The following PPFIA2 variants were observed in gnomAD, a reference collection of about 807,000 sequenced individuals.
PPFIA2 encodes the protein liprin-alpha-2.
PPFIA2 carries 46 observed loss-of-function variants against 175.5 expected under a neutral mutation model. The observed-to-expected ratio is 0.26, with a 90% CI of 0.21 to 0.34. The LOEUF (loss-of-function observed/expected upper bound fraction) is 0.34, where lower values mean the gene tolerates loss of function less well. PPFIA2 is among the 10% of genes least tolerant of loss of function. PPFIA2 has a pLI of 1.00. For synonymous variants in PPFIA2, 568 were observed against 511.4 expected (o/e 1.11, Z -1.49); for missense variants, 1,179 against 1,506.1 (o/e 0.78, Z 3.60).
At chr12:81,366,769 T>C (rs963959522) in intron 14 of PPFIA2, among the ~76,000 whole-genome samples, 5 of 151,820 alleles carry the variant, frequency 3.3e-5, no homozygotes, top group Non-Finnish European at 5.9e-5. Context: ...TTAGCGCATA[T>C]ATTTTAATTC....
intron 4 of PPFIA2, among the ~76,000 whole-genome samples, chr12:81,489,717 G>A (rs968456840): frequency 4.6e-5 from 7 of 151,860 alleles, no homozygotes; most frequent in African/African-American, 1.7e-4. Flanking sequence ...GCACCCTATA[G>A]TGTACAAGCT....
intron 6 of PPFIA2, among the ~76,000 whole-genome samples, chr12:81,443,923 G>C (rs1226641619): frequency 8.0e-6 from 1 of 125,744 alleles, no homozygotes; most frequent in Non-Finnish European, 1.6e-5. Flanking sequence ...GGCGCGATCT[G>C]GGCTCACTGC....
intron 4 of PPFIA2, among the ~76,000 whole-genome samples, chr12:81,626,443 T>C (rs1402587870): frequency 6.6e-6 from 1 of 152,044 alleles, no homozygotes; most frequent in Non-Finnish European, 1.5e-5. Flanking sequence ...ATTAAAACCT[T>C]ATTAAATTTA....
intron 4 of PPFIA2, among the ~76,000 whole-genome samples, chr12:81,462,570 G>GTATATATATATATACATATATA (rs1555402454): frequency 5.9e-4 from 44 of 74,168 alleles, no homozygotes; most frequent in Admixed American, 3.5e-3. Flanking sequence ...ATATATATGT[G>GTATATATATATATACATATATA]TATATATATA....
At chr12:81,733,964 G>A (rs1306934886) in intron 3 of PPFIA2, among the ~76,000 whole-genome samples, 3 of 151,684 alleles carry the variant, frequency 2.0e-5, no homozygotes, top group Non-Finnish European at 4.4e-5. Context: ...TAGATAACGT[G>A]CCTGCTACAC....
At chr12:81,611,777 C>T (rs1291059725) in intron 4 of PPFIA2, among the ~76,000 whole-genome samples, 1 of 152,250 alleles carries the variant, frequency 6.6e-6, no homozygotes, top group East Asian at 1.9e-4. Flanking sequence ...GCTGCCAGCA[C>T]ACAAAAACTC....
intron 3 of PPFIA2, among the ~76,000 whole-genome samples, chr12:81,721,980 C>T (rs557837303): frequency 1.3e-5 from 2 of 150,848 alleles, no homozygotes; most frequent in Non-Finnish European, 3.0e-5. Flanking sequence ...ATGTGCTGTA[C>T]AATCATAATA....
At chr12:81,648,495 A>T (rs1194377868) in intron 4 of PPFIA2, among the ~76,000 whole-genome samples, 1 of 152,042 alleles carries the variant, frequency 6.6e-6, no homozygotes, top group Non-Finnish European at 1.5e-5. Context: ...ATTTTAAAAG[A>T]CCTAAATAAA....
At chr12:81,436,348 G>C (rs11114860) in intron 7 of PPFIA2, among the ~76,000 whole-genome samples, 4 of 95,586 alleles carry the variant, frequency 4.2e-5, no homozygotes, top group Admixed American at 1.5e-4. Flanking sequence ...TGATGCATCA[G>C]ATAAACGTTT....
At chr12:81,656,225 G>A (rs143050367) in intron 4 of PPFIA2, among the ~76,000 whole-genome samples, 12 of 151,870 alleles carry the variant, frequency 7.9e-5, no homozygotes, top group Admixed American at 2.6e-4. Flanking sequence ...GAATTTTTTT[G>A]TAAATACATG....
chr12:81,758,519 A>T lies in PPFIA2; in HGVS notation c.-110-12T>A. The stretch of plus-strand genomic sequence containing the variant: ...CCTGGACCATTTCCCTAGCAACGGG[A>T]GGAGAAAGGCAGCTCAGACACACGC... On this transcript the variant is annotated splice_polypyrimidine_tract_variant and intron_variant, in intron 1 of 32. Coordinates refer to ENST00000549396, the MANE Select transcript of PPFIA2 (RefSeq NM_003625.5). 3 of 445,568 alleles carry T rather than the reference A, an allele frequency of 6.7e-6. No homozygotes were observed. Among genetic ancestry groups the T allele is most frequent in the Non-Finnish European group, 4.5e-6 (1 of 219,798 alleles). 27.6% of individuals were successfully genotyped at this position (445,568 alleles called of 1,614,324 possible).
chr12:81,358,131 A>C lies in PPFIA2; in HGVS notation c.1724T>G (p.Ile575Arg). The stretch of plus-strand genomic sequence containing the variant: ...CATGCGGCCTCTCCTTGGTCTTCTT[A>C]TTACTTTAGTTGTTCTGTAATCAGA... ...SQSDYRTTKVIRRPRRGRMGV... is the reference protein window; with the variant it reads ...SQSDYRTTKVRRRPRRGRMGV... Residue 575 changes from isoleucine to arginine, a missense_variant, in exon 16 of 33, where the codon ATA becomes AGA. Around this residue, in one of 10 missense-constraint regions of PPFIA2, gnomAD observed 186 missense variants for 163.6 expected, o/e 1.14. Transcript: ENST00000549396. 1 of 1,602,928 alleles carries C rather than the reference A, an allele frequency of 6.2e-7. No homozygotes were observed. The highest frequency in any genetic ancestry group is 8.5e-7 in the Non-Finnish European group (1 of 1,174,318).
At position 81,325,781 on chromosome 12, in the gene PPFIA2, T is replaced by G. The variant is rs1198424509; in HGVS notation, c.2638A>C (p.Lys880Gln). 1 of 1,610,730 alleles carries G rather than the reference T, an allele frequency of 6.2e-7. No homozygotes were observed. The highest frequency in any genetic ancestry group is 1.3e-5 in the African/African-American group (1 of 74,824). Residue 880 changes from lysine to glutamine, a missense_variant, in exon 22 of 33, where the codon AAA becomes CAA. Coordinates refer to ENST00000549396, the MANE Select transcript of PPFIA2 (RefSeq NM_003625.5). Reference protein sequence around the residue: ...TQAEKDRRLKKKHELLEEARR... With the variant: ...TQAEKDRRLKQKHELLEEARR... ...GGGAAAAATCCCCAAACCTACTTTT[T>G]CTTTAGTCTTCGATCCTTCTCAGCT... is the stretch of plus-strand genomic sequence containing the variant.
At chr12:81,666,158 T>C (rs1489816318) in intron 4 of PPFIA2, among the ~76,000 whole-genome samples, 1 of 152,180 alleles carries the variant, frequency 6.6e-6, no homozygotes, top group Non-Finnish European at 1.5e-5. Flanking sequence ...TCTACACTGT[T>C]GGTGGGACTG....
chr12:81,531,320 T>C (rs2064525086), intron 4 of PPFIA2, among the ~76,000 whole-genome samples: 2 of 151,664 alleles, frequency 1.3e-5, no homozygotes, highest in South Asian at 4.1e-4. Flanking sequence ...TTCAGAAAAC[T>C]AAAGAATGGT....
chr12:81,685,860 T>G (rs1311373351), intron 3 of PPFIA2, among the ~76,000 whole-genome samples: 4 of 152,074 alleles, frequency 2.6e-5, no homozygotes, highest in Non-Finnish European at 5.9e-5. Context: ...TAACATTTAT[T>G]AAGCATTTAC....
chr12:81,393,162 A>C (rs2040464019), intron 8 of PPFIA2, among the ~76,000 whole-genome samples: 1 of 152,080 alleles, frequency 6.6e-6, no homozygotes, highest in Admixed American at 6.6e-5. Context: ...CAGAAATATA[A>C]AAAATAGCTA....
At chr12:81,546,963 G>A (rs771416412) in intron 4 of PPFIA2, among the ~76,000 whole-genome samples, 5 of 152,014 alleles carry the variant, frequency 3.3e-5, no homozygotes, top group African/African-American at 7.2e-5. Context: ...TTAGCAGGAC[G>A]TCACTTCTCA....
At chr12:81,401,245 T>C (rs2042046050) in intron 8 of PPFIA2, among the ~76,000 whole-genome samples, 1 of 152,206 alleles carries the variant, frequency 6.6e-6, no homozygotes. Flanking sequence ...ATTTATTTGA[T>C]TGAAAACACA....
Sources: gnomAD v4.1 joint callset for allele counts (sites outside exome capture counted in the v4.1 genomes callset) on GRCh38, gnomAD v4.1.1 for gene constraint, gnomAD v4.1.1 regional missense constraint, MANE v1.5 for transcripts, NCBI Gene and HGNC (gene_info 2026-07-23, HGNC 2026-07-21) for gene names.